TRAF4: variants seen among roughly 807,000 people sequenced by gnomAD.
The protein encoded by TRAF4 is TNF receptor associated factor 4, also known as TNF receptor-associated factor 4.
Under a neutral mutation model 47.3 loss-of-function variants are expected in TRAF4, and 9 were observed. The ratio of observed to expected loss-of-function variants is 0.19; its 90% confidence interval spans 0.11 to 0.33. TRAF4 has a LOEUF of 0.33. TRAF4 is among the 10% of genes least tolerant of loss of function. The probability of loss-of-function intolerance (pLI) is 1.00; values close to 1 mark genes in which losing one functional copy is unlikely to be tolerated. For synonymous variants in TRAF4, 236 were observed against 236.9 expected (o/e 1.00, Z 0.04); for missense variants, 448 against 620.3 (o/e 0.72, Z 2.95).
rs753449583 is a variant in TRAF4 at position 28,749,295 on chromosome 17, CCTT to C, written c.1132_1134del (p.Leu378del). 13 of 1,613,974 alleles carry C rather than the reference CCTT, an allele frequency of 8.1e-6. No homozygotes were observed. Among genetic ancestry groups the C allele is most frequent in the East Asian group, 4.5e-5 (2 of 44,902 alleles). ...TGCTGCCTGGTGCCTTTGACAATCTCCTTGAGTGGCCCTTTGCCCGCCGTGTCA... is the reference window on the plus strand; with the variant it reads ...TGCTGCCTGGTGCCTTTGACAATCTCGAGTGGCCCTTTGCCCGCCGTGTCA... On this transcript the variant is annotated inframe_deletion, in exon 7 of 7. Transcript: ENST00000262395.
chr17:28,749,452 A>T lies in TRAF4; in HGVS notation c.1288A>T (p.Ser430Cys). ...PGTWRGSLDE[S>C]SLGFGYPKFI... Reference sequence around the variant, plus strand: ...CACGTGGCGGGGCTCCCTGGATGAGAGTTCTCTGGGCTTTGGTTATCCCAA... The same window carrying T: ...CACGTGGCGGGGCTCCCTGGATGAGTGTTCTCTGGGCTTTGGTTATCCCAA... Residue 430 changes from serine (S) to cysteine (C), a missense_variant, in exon 7 of 7, where the codon AGT (serine) becomes TGT (cysteine). By Grantham distance (112) the Ser-to-Cys change is moderately radical. Coordinates refer to ENST00000262395, the MANE Select transcript of TRAF4 (RefSeq NM_004295.4). The T allele has an allele frequency of 6.2e-7, 1 of 1,613,914 alleles. No homozygotes were observed. The highest frequency in any genetic ancestry group is 8.5e-7 in the Non-Finnish European group (1 of 1,180,016).
chr17:28,744,075 G>C lies in TRAF4; in HGVS notation c.-38G>C, dbSNP rs2034466554. 9.1e-6 allele frequency: 13 copies of C among 1,424,488 alleles called. No individual in the cohort carries two copies. The highest frequency in any genetic ancestry group is 1.0e-5 in the Non-Finnish European group (11 of 1,083,812). 88.2% of individuals were successfully genotyped at this position (1,424,488 alleles called of 1,614,324 possible). Reference sequence around the variant, plus strand: ...GGCGCGGGCTGTGGGGCCGCCGCGTGCCTGGCCCCGCTCGCCCGTGCCGGC... The same window carrying C: ...GGCGCGGGCTGTGGGGCCGCCGCGTCCCTGGCCCCGCTCGCCCGTGCCGGC... On this transcript the variant is annotated 5_prime_UTR_variant, in exon 1 of 7. Transcript: ENST00000262395.
Position 28,749,999 on chromosome 17 carries a change from T to C in TRAF4, c.*422T>C. 4.8e-6 allele frequency: 3 copies of C among 628,866 alleles called. No homozygotes were observed. The highest frequency in any genetic ancestry group is 8.7e-6 in the Non-Finnish European group (3 of 345,236). 39.0% of individuals were successfully genotyped at this position (628,866 alleles called of 1,614,324 possible). A position where few individuals can be genotyped will look rare whatever the true frequency, so the allele number is the denominator to read the frequency against. ...TCCCCCTTTACCTAGCTGTGCCCCC[T>C]CTGGTTATTTATTTCCTTAGTGCCA... On this transcript the variant is annotated 3_prime_UTR_variant, in exon 7 of 7. Transcript: ENST00000262395.
At chr17:28,747,504 G>A in intron 2 of TRAF4, 1 of 584,946 alleles carries the variant, frequency 1.7e-6, no homozygotes, top group Admixed American at 3.1e-5. Context: ...GTGCCCGCAA[G>A]AAGTGTTCCC....
chr17:28,749,677 C>T lies in TRAF4; in HGVS notation c.*100C>T. ...GCCGGACCCCCGTCAGCTGCTTCTG[C>T]TGCCTAGGTTCTGTTACCCCATCCT... On this transcript the variant is annotated 3_prime_UTR_variant, in exon 7 of 7. Transcript: ENST00000262395. The T allele has an allele frequency of 6.4e-7, 1 of 1,558,672 alleles. No homozygotes were observed. The highest frequency in any genetic ancestry group is 2.3e-5 in the East Asian group (1 of 43,602).
Position 28,744,084 on chromosome 17 carries a change from C to A in TRAF4, c.-29C>A, listed in dbSNP as rs757432510. 6.8e-7 allele frequency: 1 copy of A among 1,478,960 alleles called. No individual in the cohort carries two copies. The highest frequency in any genetic ancestry group is 9.0e-7 in the Non-Finnish European group (1 of 1,116,242). The allele number at this position is 1,478,960 out of a possible 1,614,324, so 91.6% of individuals were successfully genotyped here. On this transcript the variant is annotated 5_prime_UTR_variant, in exon 1 of 7. Transcript: ENST00000262395. ...TGTGGGGCCGCCGCGTGCCTGGCCC[C>A]GCTCGCCCGTGCCGGCCGCTCGCCC...
In TRAF4 at chr17:28,749,682, T is replaced by G; in HGVS notation, c.*105T>G. 6.5e-7 allele frequency: 1 copy of G among 1,543,806 alleles called. No individual in the cohort carries two copies. Among genetic ancestry groups the G allele is most frequent in the Non-Finnish European group, 8.8e-7 (1 of 1,141,278 alleles). On this transcript the variant is annotated 3_prime_UTR_variant, in exon 7 of 7. Transcript: ENST00000262395. ...ACCCCCGTCAGCTGCTTCTGCTGCC[T>G]AGGTTCTGTTACCCCATCCTCCCTC...
chr17:28,744,342 G>A, intron 1 of TRAF4, 87 bp downstream of exon 1: 2 of 1,430,366 alleles, frequency 1.4e-6, no homozygotes, highest in Non-Finnish European at 1.9e-6. Flanking sequence ...GGCAAGGCGG[G>A]CCTTTGTCTG....
rs1453154625 is a variant in TRAF4 at position 28,748,430 on chromosome 17, C to G, written c.624+7C>G. ...CGTCTTTGACACCATCCAGGTGAGG[C>G]CTTCCCTGAACTGTGGGTTGCAGGG... On this transcript the variant is annotated splice_region_variant and intron_variant, in intron 5 of 6. Coordinates refer to ENST00000262395, the MANE Select transcript of TRAF4 (RefSeq NM_004295.4). 1.0e-5 allele frequency: 16 copies of G among 1,605,506 alleles called. No homozygotes were observed. In the Admixed American group the frequency reaches 2.7e-4, roughly 27 times the overall value.
At position 28,744,012 on chromosome 17, in the gene TRAF4, G is replaced by T; in HGVS notation, c.-101G>T. 5.9e-6 allele frequency: 6 copies of T among 1,009,096 alleles called. No homozygotes were observed. Among genetic ancestry groups the T allele is most frequent in the Non-Finnish European group, 7.1e-6 (6 of 847,348 alleles). The allele number at this position is 1,009,096 out of a possible 1,614,324, so 62.5% of individuals were successfully genotyped here. A position where few individuals can be genotyped will look rare whatever the true frequency, so the allele number is the denominator to read the frequency against. On this transcript the variant is annotated 5_prime_UTR_variant, in exon 1 of 7. Coordinates refer to ENST00000262395, the MANE Select transcript of TRAF4 (RefSeq NM_004295.4). ...AGCCGAGCCCTGGCCGCGACCGCCA[G>T]TCGGCGCCGCCCGGAGCCGGGAGCG...
In TRAF4 at chr17:28,744,069, C is replaced by T; in HGVS notation, c.-44C>T. 1.5e-6 allele frequency: 2 copies of T among 1,356,442 alleles called. No individual in the cohort carries two copies. Among genetic ancestry groups the T allele is most frequent in the Admixed American group, 2.8e-5 (1 of 35,974 alleles). The allele number at this position is 1,356,442 out of a possible 1,614,324, so 84.0% of individuals were successfully genotyped here. A position where few individuals can be genotyped will look rare whatever the true frequency, so the allele number is the denominator to read the frequency against. Reference sequence around the variant, plus strand: ...CAGCGAGGCGCGGGCTGTGGGGCCGCCGCGTGCCTGGCCCCGCTCGCCCGT... The same window carrying T: ...CAGCGAGGCGCGGGCTGTGGGGCCGTCGCGTGCCTGGCCCCGCTCGCCCGT... On this transcript the variant is annotated 5_prime_UTR_variant, in exon 1 of 7. Coordinates refer to ENST00000262395, the MANE Select transcript of TRAF4 (RefSeq NM_004295.4).
chr17:28,747,183 A>G (rs1352953370), intron 1 of TRAF4, 30 bp from the exon 2 acceptor site: 1 of 1,610,506 alleles, frequency 6.2e-7, no homozygotes. Flanking sequence ...CCTAATGAGA[A>G]ACCTTTTTCC....
Position 28,748,070 on chromosome 17 carries a change from C to T in TRAF4, c.354C>T (p.Pro118=), listed in dbSNP as rs1567766939. Residue 118 remains proline, a synonymous_variant, in exon 4 of 7, where the codon CCC becomes CCT. Transcript: ENST00000262395. ...FNVIPCPNRC[P]MKLSRRDLPA... ...TCATTCCCTGCCCTAATCGCTGCCC[C>T]ATGAAGCTGAGCCGCCGTGATCTAC... 6.2e-7 allele frequency: 1 copy of T among 1,614,066 alleles called. No individual in the cohort carries two copies. Among genetic ancestry groups the T allele is most frequent in the East Asian group, 2.2e-5 (1 of 44,882 alleles).
chr17:28,744,109 C>A lies in TRAF4; in HGVS notation c.-4C>A. 6.4e-7 allele frequency: 1 copy of A among 1,559,306 alleles called. No homozygotes were observed. The highest frequency in any genetic ancestry group is 8.6e-7 in the Non-Finnish European group (1 of 1,161,470). ...CGCTCGCCCGTGCCGGCCGCTCGCC[C>A]GCCATGCCTGGCTTCGACTACAAGT... On this transcript the variant is annotated 5_prime_UTR_variant, in exon 1 of 7. Coordinates refer to ENST00000262395, the MANE Select transcript of TRAF4 (RefSeq NM_004295.4).
Position 28,748,608 on chromosome 17 carries a change from A to G in TRAF4, c.722A>G (p.Asp241Gly), listed in dbSNP as rs769209913. Residue 241 changes from aspartate (D) to glycine (G), a missense_variant, in exon 6 of 7, where the codon GAC becomes GGC. Physicochemically the swap from Asp to Gly is moderately conservative, Grantham distance 94. Transcript: ENST00000262395. ...GAGGACCTGCCAGGCCATCTGAAGG[A>G]CAGCTGTAACACCGCCCTGGTGCTC... Reference protein sequence around the residue: ...AREDLPGHLKDSCNTALVLCP... With the variant: ...AREDLPGHLKGSCNTALVLCP... The G allele has an allele frequency of 6.2e-7, 1 of 1,613,242 alleles. No individual in the cohort carries two copies. Among genetic ancestry groups the G allele is most frequent in the Middle Eastern group, 1.6e-4 (1 of 6,062 alleles).
chr17:28,749,835 C>G lies in TRAF4; in HGVS notation c.*258C>G. Reference sequence around the variant, plus strand: ...GGCCTGTCTCCCTTCTTGGGTAGGGCAGACATGCCTTGGTGCCGGTCACAC... The same window carrying G: ...GGCCTGTCTCCCTTCTTGGGTAGGGGAGACATGCCTTGGTGCCGGTCACAC... On this transcript the variant is annotated 3_prime_UTR_variant, in exon 7 of 7. Transcript: ENST00000262395. 1 of 715,636 alleles carries G rather than the reference C, an allele frequency of 1.4e-6. No individual in the cohort carries two copies. The highest frequency in any genetic ancestry group is 2.5e-6 in the Non-Finnish European group (1 of 397,544). 44.3% of individuals were successfully genotyped at this position (715,636 alleles called of 1,614,324 possible).
intron 1 of TRAF4, 116 bp from the exon 2 acceptor site, chr17:28,747,097 T>G (rs2034524635): frequency 8.4e-7 from 1 of 1,192,328 alleles, no homozygotes; most frequent in Non-Finnish European, 1.2e-6. Flanking sequence ...TTGTCTCATC[T>G]AGGCTGGTTG....
At position 28,749,541 on chromosome 17, in the gene TRAF4, T is replaced by C; in HGVS notation, c.1377T>C (p.Arg459=). Residue 459 remains arginine (R), a synonymous_variant, in exon 7 of 7, where the codon CGT becomes CGC. Transcript: ENST00000262395. ...NYVRDDAVFI[R]AAVELPRKIL... ...TGCGGGATGATGCAGTCTTCATCCG[T>C]GCTGCTGTTGAACTGCCCCGGAAGA... The C allele has an allele frequency of 6.2e-7, 1 of 1,613,600 alleles. No individual in the cohort carries two copies. The highest frequency in any genetic ancestry group is 8.5e-7 in the Non-Finnish European group (1 of 1,179,948).
Position 28,747,263 on chromosome 17 carries a change from A to T in TRAF4, c.194A>T (p.Lys65Met), listed in dbSNP as rs894361722. ...PEDQLPLDYA[K>M]IYPDPELEVQ... The stretch of plus-strand genomic sequence containing the variant: ...GACCAGCTTCCTCTGGACTATGCCA[A>T]GGTGAGTCCACACTGCCAGGAAGAA... Residue 65 changes from lysine (K) to methionine (M), a missense_variant and splice_region_variant, in exon 2 of 7, where the codon AAG (lysine) becomes ATG (methionine). Coordinates refer to ENST00000262395, the MANE Select transcript of TRAF4 (RefSeq NM_004295.4). 3.1e-6 allele frequency: 5 copies of T among 1,613,398 alleles called. No homozygotes were observed. The highest frequency in any genetic ancestry group is 4.2e-6 in the Non-Finnish European group (5 of 1,179,672).
Sources: allele counts gnomAD v4.1 joint callset, GRCh38; gene constraint gnomAD v4.1.1; transcripts MANE v1.5; gene names NCBI Gene and HGNC (gene_info 2026-07-23, HGNC 2026-07-21).